Variants in UMODL1 observed in about 807,000 individuals in gnomAD.
UMODL1 encodes uromodulin-like 1.
A neutral mutation model predicts 136.3 loss-of-function variants in UMODL1; 128 were observed. The ratio of observed to expected loss-of-function variants is 0.94; its 90% CI spans 0.81 to 1.09. The LOEUF (loss-of-function observed/expected upper bound fraction) is 1.09. UMODL1 is among the 50% of genes least tolerant of loss of function. UMODL1 has a pLI of 0.00. For missense variants in UMODL1, 1,766 were observed against 1,725.6 expected (o/e 1.02, Z -0.41); for synonymous variants, 721 against 720.0 (o/e 1.00, Z -0.02).
chr21:42,107,188 C>T (rs1293310826), intron 9 of UMODL1, among the ~76,000 whole-genome samples: 2 of 152,220 alleles, frequency 1.3e-5, no homozygotes, highest in Admixed American at 1.3e-4. Flanking sequence ...GATTCTCATA[C>T]AGTGTGCATT....
chr21:42,110,328 G>C (rs1364292201), intron 10 of UMODL1, among the ~76,000 whole-genome samples: 1 of 152,248 alleles, frequency 6.6e-6, no homozygotes, highest in African/African-American at 2.4e-5. Context: ...CCAGCCACTG[G>C]CTTGCCAGCC....
intron 21 of UMODL1, among the ~76,000 whole-genome samples, chr21:42,135,001 TG>T (rs2123393925): frequency 6.6e-6 from 1 of 152,356 alleles, no homozygotes; most frequent in South Asian, 2.1e-4. Context: ...TGTGCCACGG[TG>T]GTTTGCTGCA....
In UMODL1 at chr21:42,073,395, C is replaced by T. The variant is rs1363919648; in HGVS notation, c.76+2003C>T. Reference sequence around the variant, plus strand: ...TTCCACCCCGTACGATGAGGACCTCCCGTTCCTTTGCAGAGCTCACAGTAA... The same window carrying T: ...TTCCACCCCGTACGATGAGGACCTCTCGTTCCTTTGCAGAGCTCACAGTAA... On this transcript the variant is annotated intron_variant, in intron 1 of 22. Coordinates refer to ENST00000408910, the MANE Select transcript of UMODL1 (RefSeq NM_001004416.3). 3.3e-5 allele frequency among the ~76,000 whole-genome samples: 5 copies of T among 152,312 alleles called. No homozygotes were observed. The East Asian group carries it at 9.7e-4, about 29-fold the overall frequency.
At chr21:42,064,708 A>G (rs542169945) in intron 1 of UMODL1, among the ~76,000 whole-genome samples, 5 of 151,928 alleles carry the variant, frequency 3.3e-5, no homozygotes, top group Non-Finnish European at 7.4e-5. Context: ...GGCGCCCAAC[A>G]CCACACCTGG....
intron 1 of UMODL1, among the ~76,000 whole-genome samples, chr21:42,075,241 T>TC (rs2066275543): frequency 7.0e-6 from 1 of 142,916 alleles, no homozygotes; most frequent in South Asian, 2.3e-4. Context: ...TTGCTGGAGA[T>TC]GGGGGGGGGG....
intron 1 of UMODL1, among the ~76,000 whole-genome samples, chr21:42,065,969 G>C (rs2066179955): frequency 6.6e-6 from 1 of 152,180 alleles, no homozygotes; most frequent in Non-Finnish European, 1.5e-5. Context: ...TTTTGTTTCT[G>C]ACTTGCATTC....
chr21:42,081,306 G>T (rs1485309048), intron 2 of UMODL1, among the ~76,000 whole-genome samples: 1 of 152,238 alleles, frequency 6.6e-6, no homozygotes, highest in Non-Finnish European at 1.5e-5. Flanking sequence ...CCAGTCCTCA[G>T]CCCTGGGAGC....
Position 42,137,671 on chromosome 21 carries a change from G to A in UMODL1, c.*21+30G>A, listed in dbSNP as rs374392708. ...GTGCGGAGTGGGGTGGGAGGTGCAG[G>A]CTGACAGGAAGGTGGGTGTGGAGTG... is the stretch of plus-strand genomic sequence containing the variant. On this transcript the variant is annotated intron_variant, in intron 22 of 22. Coordinates refer to ENST00000408910, the MANE Select transcript of UMODL1 (RefSeq NM_001004416.3). 4.7e-3 allele frequency: 4,824 copies of A among 1,029,596 alleles called. 160 individuals are homozygous for A. The South Asian group carries it at 0.072, about 15-fold the overall frequency. 63.8% of individuals were successfully genotyped at this position (1,029,596 alleles called of 1,614,324 possible).
intron 1 of UMODL1, among the ~76,000 whole-genome samples, chr21:42,072,043 C>CAAA (rs1569137344): frequency 1.3e-5 from 2 of 148,904 alleles, no homozygotes; most frequent in Non-Finnish European, 3.0e-5. Context: ...GCAAAAGCCC[C>CAAA]CAAACAAACA....
intron 2 of UMODL1, among the ~76,000 whole-genome samples, chr21:42,081,201 A>T (rs2066357150): frequency 1.3e-5 from 2 of 152,166 alleles, no homozygotes; most frequent in Non-Finnish European, 2.9e-5. Flanking sequence ...CATGCTGATG[A>T]CCAGGGGCCC....
Position 42,127,245 on chromosome 21 carries a change from A to G in UMODL1, c.3530+3A>G. On this transcript the variant is annotated splice_donor_region_variant and intron_variant, in intron 19 of 22. Transcript: ENST00000408910. ...ACCTTCAGCTTCATTAACAACAGGT[A>G]GGGCTCAGGAGTGCAGGCACCCCCA... 6.2e-7 allele frequency: 1 copy of G among 1,613,394 alleles called. No individual in the cohort carries two copies. The highest frequency in any genetic ancestry group is 1.7e-4 in the Middle Eastern group (1 of 5,994).
At chr21:42,139,028 T>C (rs960338569) in intron 22 of UMODL1, among the ~76,000 whole-genome samples, 2 of 151,808 alleles carry the variant, frequency 1.3e-5, no homozygotes, top group Non-Finnish European at 1.5e-5. Flanking sequence ...ATAAGCCGGG[T>C]GTGGTGGCAC....
At position 42,083,663 on chromosome 21, in the gene UMODL1, G is replaced by A. The variant is rs2066388786; in HGVS notation, c.320-421G>A. On this transcript the variant is annotated intron_variant, in intron 2 of 22. Transcript: ENST00000408910. Reference sequence around the variant, plus strand: ...CTATTGTTCCCCCACTGGAATATAAGTTCCCTGAAGGCTGGGCCCTGGGCA... The same window carrying A: ...CTATTGTTCCCCCACTGGAATATAAATTCCCTGAAGGCTGGGCCCTGGGCA... Among the ~76,000 whole-genome samples the A allele has an allele frequency of 3.3e-5, 5 of 152,410 alleles. No homozygotes were observed. The South Asian group carries it at 1.0e-3, about 32-fold the overall frequency.
intron 9 of UMODL1, chr21:42,108,353 G>T: frequency 1.9e-6 from 1 of 525,810 alleles, no homozygotes. Context: ...CACCAGCAGT[G>T]TTCTGATGGC....
At chr21:42,080,497 T>C (rs926991639) in intron 2 of UMODL1, among the ~76,000 whole-genome samples, 4 of 152,228 alleles carry the variant, frequency 2.6e-5, no homozygotes, top group African/African-American at 9.6e-5. Flanking sequence ...CAATAATGAC[T>C]TATGCAAAAA....
intron 9 of UMODL1, among the ~76,000 whole-genome samples, chr21:42,109,152 G>A (rs1343686187): frequency 6.8e-6 from 1 of 147,810 alleles, no homozygotes; most frequent in Non-Finnish European, 1.5e-5. Flanking sequence ...GAAAGTTCAC[G>A]TTATACTCAG....
rs144397675 is a variant in UMODL1 at position 42,095,651 on chromosome 21, A to T, written c.932-3275A>T. On this transcript the variant is annotated intron_variant, in intron 6 of 22. Coordinates refer to ENST00000408910, the MANE Select transcript of UMODL1 (RefSeq NM_001004416.3). ...CGTAGGTTGCAGGGATTAGGACTTG[A>T]TATCTTTGAAGCTCATTATTCAGCC... Among the ~76,000 whole-genome samples, 293 of 152,292 alleles carry T rather than the reference A, an allele frequency of 1.9e-3. 1 individual carries two copies. The highest frequency in any genetic ancestry group is 6.4e-3 in the African/African-American group (266 of 41,554).
chr21:42,071,194 C>G (rs1263720445), upstream of UMODL1: 12 of 1,056,174 alleles, frequency 1.1e-5, no homozygotes, highest in Non-Finnish European at 1.5e-5. Context: ...TGCAGCAGCA[C>G]AGGGGACAGA....
At chr21:42,137,781 GTA>G in intron 22 of UMODL1, 140 bp downstream of exon 22, 1 of 1,039,358 alleles carries the variant, frequency 9.6e-7, no homozygotes, top group Admixed American at 2.3e-5. Context: ...GTGGAGTGGG[GTA>G]GGAGGTGCAG....
Sources: allele counts gnomAD v4.1 joint callset (sites outside exome capture counted in the v4.1 genomes callset), GRCh38; gene constraint gnomAD v4.1.1; transcripts MANE v1.5; gene names NCBI Gene and HGNC (gene_info 2026-07-23, HGNC 2026-07-21).